The following CDH9 variants were observed in gnomAD, a reference collection of about 807,000 sequenced individuals.
The protein encoded by CDH9 is cadherin-9.
In CDH9, 28 loss-of-function variants were observed where a neutral mutation model predicts 70.9. That is an observed-to-expected ratio of 0.40 (90% CI 0.29 to 0.54). CDH9 has a LOEUF of 0.54. Ranked by LOEUF, CDH9 falls within the 20% of genes least tolerant of loss-of-function variation. The probability of loss-of-function intolerance (pLI) is 0.59; values close to 1 mark genes in which losing one functional copy is unlikely to be tolerated. For synonymous variants in CDH9, 409 were observed against 343.1 expected (o/e 1.19, Z -2.12); for missense variants, 874 against 984.4 (o/e 0.89, Z 1.50).
At chr5:26,906,295 G>C (rs73748531) in intron 4 of CDH9, among the ~76,000 whole-genome samples, 169 bp from the exon 5 acceptor site, 5,041 of 152,186 alleles carry the variant, frequency 0.033, 173 homozygotes, top group African/African-American at 0.087. Context: ...GAACAGGAAG[G>C]ATTTTCCCAC....
intron 3 of CDH9, among the ~76,000 whole-genome samples, chr5:26,915,417 C>T (rs1217417092): frequency 6.6e-6 from 1 of 151,836 alleles, no homozygotes; most frequent in Admixed American, 6.6e-5. Context: ...GAATTAACTG[C>T]TATTGATAAT....
intron 1 of CDH9, among the ~76,000 whole-genome samples, chr5:27,009,445 G>A (rs1348056574): frequency 1.3e-5 from 2 of 152,084 alleles, no homozygotes; most frequent in Non-Finnish European, 2.9e-5. Flanking sequence ...ATGGAATTTT[G>A]TCCTGTTGCC....
chr5:26,939,156 T>C (rs1741615898), intron 2 of CDH9, among the ~76,000 whole-genome samples: 1 of 151,844 alleles, frequency 6.6e-6, no homozygotes, highest in Non-Finnish European at 1.5e-5. Context: ...AATATCACTT[T>C]CTTAAATCAA....
chr5:26,992,506 C>G (rs1219430085), intron 1 of CDH9, among the ~76,000 whole-genome samples: 1 of 152,138 alleles, frequency 6.6e-6, no homozygotes, highest in Non-Finnish European at 1.5e-5. Context: ...TGTTAGACTT[C>G]CCAGGCTTCA....
chr5:26,995,566 A>G (rs1301136954), intron 1 of CDH9, among the ~76,000 whole-genome samples: 3 of 152,144 alleles, frequency 2.0e-5, no homozygotes, highest in Non-Finnish European at 2.9e-5. Flanking sequence ...TTTAGAGAAC[A>G]TCAGTACAAC....
intron 1 of CDH9, among the ~76,000 whole-genome samples, chr5:27,037,574 C>G (rs529735585): frequency 6.6e-6 from 1 of 151,910 alleles, no homozygotes; most frequent in Admixed American, 6.6e-5. Context: ...AAAATCCAAG[C>G]CTTTATTGAG....
chr5:26,900,265 A>G (rs1009421329), intron 7 of CDH9, among the ~76,000 whole-genome samples: 8 of 152,118 alleles, frequency 5.3e-5, no homozygotes, highest in Admixed American at 3.3e-4. Flanking sequence ...CCAAACATTA[A>G]GGAAACATTC....
chr5:27,031,476 C>A (rs1743309336), intron 1 of CDH9, among the ~76,000 whole-genome samples: 1 of 151,770 alleles, frequency 6.6e-6, no homozygotes, highest in African/African-American at 2.4e-5. Context: ...AATTTATGGT[C>A]ATTGCAATAT....
rs1045833429 is a variant in CDH9 at position 26,988,422 on chromosome 5, A to C, written c.-49-40T>G. 64 of 1,507,606 alleles carry C rather than the reference A, an allele frequency of 4.2e-5. No homozygotes were observed. In the African/African-American group the frequency reaches 8.2e-4, roughly 19 times the overall value. The allele number at this position is 1,507,606 out of a possible 1,614,324, so 93.4% of individuals were successfully genotyped here. On this transcript the variant is annotated intron_variant, in intron 1 of 11. Transcript: ENST00000231021. The stretch of plus-strand genomic sequence containing the variant: ...GAAAAAAAATGGCTGTATTAGCTTG[A>C]GTTTCACTTTCCCACAACGTGTAAA...
chr5:26,931,016 A>C (rs1243785189), intron 2 of CDH9, among the ~76,000 whole-genome samples: 1 of 152,158 alleles, frequency 6.6e-6, no homozygotes, highest in Non-Finnish European at 1.5e-5. Context: ...TATGCAATGT[A>C]TTTCCACTAT....
At chr5:26,893,381 TCACTCCC>T (rs1579666621) in intron 7 of CDH9, among the ~76,000 whole-genome samples, 1 of 152,204 alleles carries the variant, frequency 6.6e-6, no homozygotes, top group East Asian at 1.9e-4. Context: ...AGGTTTTACC[TCACTCCC>T]AGTACATGGA....
At chr5:26,919,597 A>G (rs1488454662) in intron 2 of CDH9, among the ~76,000 whole-genome samples, 1 of 152,144 alleles carries the variant, frequency 6.6e-6, no homozygotes, top group Non-Finnish European at 1.5e-5. Flanking sequence ...AGGGCAGCCA[A>G]ATGTGTACTT....
At chr5:27,021,410 TATTA>T (rs1466279766) in intron 1 of CDH9, among the ~76,000 whole-genome samples, 2 of 151,778 alleles carry the variant, frequency 1.3e-5, no homozygotes, top group African/African-American at 4.8e-5. Flanking sequence ...TTGGAAGAAA[TATTA>T]ATTAAAATCT....
intron 2 of CDH9, among the ~76,000 whole-genome samples, chr5:26,920,402 G>A (rs1483823643): frequency 6.6e-6 from 1 of 151,950 alleles, no homozygotes; most frequent in African/African-American, 2.4e-5. Flanking sequence ...CTTGGATATT[G>A]GGTGGCATCT....
intron 2 of CDH9, among the ~76,000 whole-genome samples, chr5:26,974,463 C>T (rs142174932): frequency 5.3e-5 from 8 of 151,988 alleles, no homozygotes; most frequent in South Asian, 2.1e-4. Flanking sequence ...TACAATAGGA[C>T]TATAGAGAAT....
chr5:26,937,842 G>A (rs926056922), intron 2 of CDH9, among the ~76,000 whole-genome samples: 3 of 151,976 alleles, frequency 2.0e-5, no homozygotes, highest in Non-Finnish European at 4.4e-5. Flanking sequence ...AGGAATAGAT[G>A]GGGTACAGGG....
chr5:26,891,238 T>G (rs1231567301), intron 7 of CDH9, among the ~76,000 whole-genome samples: 1 of 152,224 alleles, frequency 6.6e-6, no homozygotes. Flanking sequence ...CCCTAAGATG[T>G]CTATACCCTA....
At chr5:26,981,978 A>G (rs1235917796) in intron 2 of CDH9, among the ~76,000 whole-genome samples, 1 of 152,126 alleles carries the variant, frequency 6.6e-6, no homozygotes, top group African/African-American at 2.4e-5. Context: ...AGCCTTGTAC[A>G]TAAATAATTC....
chr5:26,890,385 T>C, intron 8 of CDH9, 43 bp downstream of exon 8: 1 of 1,573,286 alleles, frequency 6.4e-7, no homozygotes, highest in Non-Finnish European at 8.7e-7. Flanking sequence ...TTTACCACTT[T>C]GATGAAAGAC....
Sources: gnomAD v4.1 joint callset for allele counts (sites outside exome capture counted in the v4.1 genomes callset) on GRCh38, gnomAD v4.1.1 for gene constraint, MANE v1.5 for transcripts, NCBI Gene and HGNC (gene_info 2026-07-23, HGNC 2026-07-21) for gene names.